Variants in PUS7 observed in about 807,000 individuals in gnomAD.
The protein encoded by PUS7 is pseudouridylate synthase 7 homolog.
A neutral mutation model predicts 79.8 loss-of-function variants in PUS7; 48 were observed. The observed-to-expected ratio is 0.60, with a 90% CI of 0.48 to 0.76. The LOEUF (loss-of-function observed/expected upper bound fraction) is 0.76, where lower values mean the gene tolerates loss of function less well. Among genes scored for constraint, PUS7 ranks in the 30% least tolerant of loss-of-function variants. PUS7 has a pLI of 0.00. For missense variants in PUS7, 729 were observed against 797.6 expected, an observed-to-expected ratio of 0.91 and a Z score of 1.04; for synonymous variants, 286 against 272.2, an observed-to-expected ratio of 1.05 and a Z score of -0.50.
chr7:105,514,790 TC>T (rs1336569439), intron 1 of PUS7, among the ~76,000 whole-genome samples: 3 of 146,668 alleles, frequency 2.0e-5, no homozygotes, highest in African/African-American at 4.9e-5. Context: ...CTAAAAATTC[TC>T]TCTCATTTTT....
intron 1 of PUS7, among the ~76,000 whole-genome samples, chr7:105,513,739 G>A (rs1299785085): frequency 3.4e-5 from 5 of 147,090 alleles, no homozygotes; most frequent in East Asian, 2.0e-4. Flanking sequence ...TCGGGAGGCT[G>A]AGGCAGGAGA....
rs1823746791 is a variant in PUS7, at chr7:105,468,466, G to A, written c.1399-3C>T. ...ATTAAGCGATTATTTCTGGGTATCT[G>A]GAGGGAAGGAAAAAAATAGGCAAGA... On this transcript the variant is annotated splice_polypyrimidine_tract_variant and splice_region_variant and intron_variant, in intron 11 of 15. Coordinates refer to ENST00000469408, the MANE Select transcript of PUS7 (RefSeq NM_019042.5). 1.9e-6 allele frequency: 3 copies of A among 1,582,446 alleles called. No homozygotes were observed. Among genetic ancestry groups the A allele is most frequent in the Non-Finnish European group, 2.6e-6 (3 of 1,167,364 alleles).
At chr7:105,489,165 A>AAAG (rs1562803688) in intron 7 of PUS7, among the ~76,000 whole-genome samples, 13 of 150,382 alleles carry the variant, frequency 8.6e-5, no homozygotes, top group Non-Finnish European at 1.9e-4. Context: ...AAAAAAAAAA[A>AAAG]AAAGAAAGAA....
chr7:105,492,017 G>GC, intron 6 of PUS7, among the ~76,000 whole-genome samples: 1 of 144,194 alleles, frequency 6.9e-6, no homozygotes, highest in Non-Finnish European at 1.5e-5. Context: ...AGACCACTCT[G>GC]CTGCACTCCA....
At chr7:105,478,653 G>A (rs923390572) in intron 9 of PUS7, among the ~76,000 whole-genome samples, 3 of 152,180 alleles carry the variant, frequency 2.0e-5, no homozygotes, top group Non-Finnish European at 4.4e-5. Flanking sequence ...TTTAGAATGC[G>A]TTGTCTTTCT....
intron 2 of PUS7, 136 bp from the exon 3 acceptor site, chr7:105,506,409 T>C (rs1252671933): frequency 1.6e-6 from 1 of 615,022 alleles, no homozygotes; most frequent in Non-Finnish European, 2.8e-6. Context: ...CAAAATCACA[T>C]GGAGTTAATT....
At chr7:105,476,135 A>G (rs948678977) in intron 9 of PUS7, among the ~76,000 whole-genome samples, 1 of 151,658 alleles carries the variant, frequency 6.6e-6, no homozygotes, top group Non-Finnish European at 1.5e-5. Context: ...AAAAAAAAAA[A>G]AAAAAAAAAA....
At chr7:105,471,290 T>C (rs1823863576) in intron 10 of PUS7, among the ~76,000 whole-genome samples, 1 of 152,228 alleles carries the variant, frequency 6.6e-6, no homozygotes, top group South Asian at 2.1e-4. Flanking sequence ...AAGATGATTT[T>C]AGAGATACTC....
intron 7 of PUS7, among the ~76,000 whole-genome samples, chr7:105,488,808 TAC>T (rs1330137948): frequency 1.3e-5 from 2 of 152,002 alleles, no homozygotes. Flanking sequence ...TCGGAAGAAG[TAC>T]AGTTATGGCA....
At chr7:105,491,331 T>C (rs1475451961) in intron 7 of PUS7, among the ~76,000 whole-genome samples, 1 of 152,218 alleles carries the variant, frequency 6.6e-6, no homozygotes, top group Non-Finnish European at 1.5e-5. Context: ...ATTATTCTCT[T>C]GGCTTTACCA....
In PUS7 at chr7:105,459,260, C is replaced by A; in HGVS notation, c.1758-1G>T. On this transcript the variant is annotated splice_acceptor_variant, in intron 14 of 15. Coordinates refer to ENST00000469408, the MANE Select transcript of PUS7 (RefSeq NM_019042.5). LOFTEE classifies it high-confidence loss of function. ...GGGATCATCATATGCAACGACTTCC[C>A]TTCAAAACATATGAATAAAGATAAG... The A allele has an allele frequency of 3.1e-6, 5 of 1,598,738 alleles. No individual in the cohort carries two copies. The highest frequency in any genetic ancestry group is 4.3e-6 in the Non-Finnish European group (5 of 1,167,118).
chr7:105,494,487 G>A (rs568032839), intron 6 of PUS7, among the ~76,000 whole-genome samples: 67 of 132,552 alleles, frequency 5.1e-4, no homozygotes, highest in Middle Eastern at 5.2e-3. Flanking sequence ...TCGGCTTACC[G>A]CAACCTCTGC....
rs796462808 is a variant in PUS7, at chr7:105,511,117, C to T, written c.-32-2573G>A. On this transcript the variant is annotated intron_variant, in intron 1 of 15. Transcript: ENST00000469408. ...CACGATCTTGGCTTACTGCAAGCTC[C>T]GCCTCCCAGGTTCACACCATTCTCC... is the stretch of plus-strand genomic sequence containing the variant. Among the ~76,000 whole-genome samples, 41 of 151,498 alleles carry T rather than the reference C, an allele frequency of 2.7e-4. 1 individual carries two copies. The highest frequency in any genetic ancestry group is 3.4e-3 in the Middle Eastern group (1 of 294).
chr7:105,496,218 TATATATATAGAGAGAGAGAG>T (rs1825019542), intron 5 of PUS7, among the ~76,000 whole-genome samples: 1 of 81,836 alleles, frequency 1.2e-5, no homozygotes, highest in African/African-American at 5.3e-5. Context: ...TATATATATA[TATATATATAGAGAGAGAGAG>T]AGAGAGAGAG....
At position 105,502,486 on chromosome 7, in the gene PUS7, T is replaced by A. The variant is rs1169858719; in HGVS notation, c.664A>T (p.Thr222Ser). 6.2e-7 allele frequency: 1 copy of A among 1,614,080 alleles called. No individual in the cohort carries two copies. Among genetic ancestry groups the A allele is most frequent in the South Asian group, 1.1e-5 (1 of 91,082 alleles). Reference protein sequence around the residue: ...KSLFPGLETKTEDREGKKYIV... With the variant: ...KSLFPGLETKSEDREGKKYIV... ...TATTTCTTCCCCTCCCTATCCTCTG[T>A]TTTTGTCTCTAATCCTGGAAACAGA... The change falls in exon 5 of 16, where the codon ACA becomes TCA. Residue 222 changes from threonine to serine, a missense_variant. Coordinates refer to ENST00000469408, the MANE Select transcript of PUS7 (RefSeq NM_019042.5).
At chr7:105,472,537 A>C (rs954062790) in intron 9 of PUS7, among the ~76,000 whole-genome samples, 1 of 152,130 alleles carries the variant, frequency 6.6e-6, no homozygotes, top group Non-Finnish European at 1.5e-5. Context: ...ACCTGGTCCT[A>C]CATCATCTCA....
intron 1 of PUS7, among the ~76,000 whole-genome samples, chr7:105,519,795 C>A (rs1321839397): frequency 6.6e-6 from 1 of 152,108 alleles, no homozygotes; most frequent in Admixed American, 6.6e-5. Flanking sequence ...GAGGGGTGTT[C>A]TTCAGTGATG....
intron 4 of PUS7, among the ~76,000 whole-genome samples, chr7:105,505,727 T>C (rs1359884495): frequency 1.3e-5 from 2 of 152,098 alleles, no homozygotes; most frequent in Admixed American, 1.3e-4. Flanking sequence ...TGTACCCAAA[T>C]AAAAATGTTT....
intron 1 of PUS7, among the ~76,000 whole-genome samples, chr7:105,510,636 C>T (rs748440583): frequency 1.3e-5 from 2 of 152,006 alleles, no homozygotes; most frequent in Non-Finnish European, 2.9e-5. Flanking sequence ...ACCTCAGCCT[C>T]CCGGGTGGCT....
Sources: allele counts gnomAD v4.1 joint callset (sites outside exome capture counted in the v4.1 genomes callset), GRCh38; gene constraint gnomAD v4.1.1; transcripts MANE v1.5; gene names NCBI Gene and HGNC (gene_info 2026-07-23, HGNC 2026-07-21).